Variants in ATP6V0E2 observed in about 807,000 individuals in gnomAD.
ATP6V0E2 encodes V-type proton ATPase subunit e 2.
ATP6V0E2 carries 4 observed loss-of-function variants against 11.5 expected under a neutral mutation model. That is an observed-to-expected ratio of 0.35 (90% CI 0.17 to 0.80). The LOEUF (loss-of-function observed/expected upper bound fraction) is 0.80, where lower values mean the gene tolerates loss of function less well. ATP6V0E2 is among the 30% of genes least tolerant of loss of function. ATP6V0E2 has a pLI of 0.53. For synonymous variants in ATP6V0E2, 52 were observed against 51.0 expected, an observed-to-expected ratio of 1.02 and a Z score of -0.09; for missense variants, 93 against 113.5, an observed-to-expected ratio of 0.82 and a Z score of 0.82.
rs527510293 is a variant in ATP6V0E2 at position 149,876,202 on chromosome 7, TCC to T, written c.152+558_152+559del. 3.4e-3 allele frequency: 1,425 copies of T among 416,008 alleles called. 17 individuals are homozygous for T. Among genetic ancestry groups the T allele is most frequent in the African/African-American group, 0.027 (1,297 of 48,892 alleles). The allele number at this position is 416,008 out of a possible 1,614,324, so 25.8% of individuals were successfully genotyped here. On this transcript the variant is annotated intron_variant, in intron 2 of 3. Transcript: ENST00000425642. Reference sequence around the variant, plus strand: ...ACCAGTCTGGCCAACATAGTGAAACTCCGTCTCTACTAAAAATACAAAAATTA... The same window carrying T: ...ACCAGTCTGGCCAACATAGTGAAACTGTCTCTACTAAAAATACAAAAATTA...
upstream of ATP6V0E2, chr7:149,873,922 C>T (rs867647848): frequency 6.6e-7 from 1 of 1,523,544 alleles, no homozygotes; most frequent in East Asian, 2.4e-5. Context: ...TCAGGAGATG[C>T]GCGTGCGCGG....
rs750156855 is a variant in ATP6V0E2 at position 149,875,661 on chromosome 7, CCCAGCTCAAAGTCAG to C, written c.152+21_152+35del. 6.2e-6 allele frequency: 10 copies of C among 1,612,012 alleles called. No individual in the cohort carries two copies. The highest frequency in any genetic ancestry group is 8.5e-6 in the Non-Finnish European group (10 of 1,178,798). ...GTTACCTCTTGTAAGTACTACTCTC[CCCAGCTCAAAGTCAG>C]CCAGTTCCTTTGTCCTCCCTCCTTT... On this transcript the variant is annotated intron_variant, in intron 2 of 3. Coordinates refer to ENST00000425642, the MANE Select transcript of ATP6V0E2 (RefSeq NM_145230.4).
intron 1 of ATP6V0E2, 103 bp from the exon 2 acceptor site, chr7:149,875,495 A>G (rs1405123343): frequency 2.6e-6 from 3 of 1,175,290 alleles, no homozygotes; most frequent in Admixed American, 1.7e-5. Context: ...AGGAAGGCCA[A>G]TGGAAAAGAG....
rs1310591873 is a variant in ATP6V0E2, at chr7:149,879,563, C to A, written c.*248C>A. The A allele has an allele frequency of 6.5e-6, 10 of 1,540,166 alleles. No individual in the cohort carries two copies. The highest frequency in any genetic ancestry group is 7.9e-6 in the Non-Finnish European group (9 of 1,143,282). ...GCCGAGGGGATGTCCTGCTCCAATA[C>A]CCGCACTGCTCTGGAGTTTGCCCTC... On this transcript the variant is annotated 3_prime_UTR_variant, in exon 4 of 4. Coordinates refer to ENST00000425642, the MANE Select transcript of ATP6V0E2 (RefSeq NM_145230.4).
At chr7:149,876,940 T>C (rs1803180327) in intron 2 of ATP6V0E2, among the ~76,000 whole-genome samples, 1 of 152,242 alleles carries the variant, frequency 6.6e-6, no homozygotes, top group South Asian at 2.1e-4. Flanking sequence ...AAACCCACTT[T>C]CAAAAAATTT....
upstream of ATP6V0E2, chr7:149,873,876 C>T (rs767786472): frequency 5.1e-5 from 76 of 1,478,554 alleles, no homozygotes; most frequent in Non-Finnish European, 4.8e-5. Flanking sequence ...GAGTGGGCTC[C>T]TAGGCAGGTC....
intron 2 of ATP6V0E2, among the ~76,000 whole-genome samples, chr7:149,877,587 T>G (rs1803221363): frequency 8.2e-6 from 1 of 121,880 alleles, no homozygotes; most frequent in Non-Finnish European, 1.8e-5. Flanking sequence ...TTCAAAATTC[T>G]TCCTGGACAG....
chr7:149,877,458 AG>A (rs1563137352), intron 2 of ATP6V0E2, among the ~76,000 whole-genome samples: 2 of 152,216 alleles, frequency 1.3e-5, no homozygotes. Flanking sequence ...CTAGGATTAC[AG>A]GTACACGCCA....
At chr7:149,873,565 G>C (rs921181642), upstream of ATP6V0E2, 8 of 204,178 alleles carry the variant, frequency 3.9e-5, no homozygotes, top group African/African-American at 1.8e-4. Flanking sequence ...CTCTGAAAGC[G>C]AGGCCGTTCC....
Position 149,879,452 on chromosome 7 carries a change from G to T in ATP6V0E2, c.*137G>T. On this transcript the variant is annotated 3_prime_UTR_variant, in exon 4 of 4. Coordinates refer to ENST00000425642, the MANE Select transcript of ATP6V0E2 (RefSeq NM_145230.4). ...CCCTCCTGCTGGCACCCAGAGACCC[G>T]GACCCGCAGGGCCTGCCTGGTTCCT... is the stretch of plus-strand genomic sequence containing the variant. 2 of 1,596,154 alleles carry T rather than the reference G, an allele frequency of 1.3e-6. No individual in the cohort carries two copies. Among genetic ancestry groups the T allele is most frequent in the East Asian group, 2.3e-5 (1 of 43,424 alleles).
At position 149,879,496 on chromosome 7, in the gene ATP6V0E2, C is replaced by G; in HGVS notation, c.*181C>G. 2 of 1,591,446 alleles carry G rather than the reference C, an allele frequency of 1.3e-6. No homozygotes were observed. Among genetic ancestry groups the G allele is most frequent in the Non-Finnish European group, 1.7e-6 (2 of 1,169,162 alleles). Reference sequence around the variant, plus strand: ...GGTTCCTGGAAGTCTTCCCAGTCTTCCCAGCCAGCCCGGGCCCTGGGGAGC... The same window carrying G: ...GGTTCCTGGAAGTCTTCCCAGTCTTGCCAGCCAGCCCGGGCCCTGGGGAGC... On this transcript the variant is annotated 3_prime_UTR_variant, in exon 4 of 4. Coordinates refer to ENST00000425642, the MANE Select transcript of ATP6V0E2 (RefSeq NM_145230.4).
At chr7:149,875,388 G>A (rs745836800) in intron 1 of ATP6V0E2, among the ~76,000 whole-genome samples, 2 of 152,202 alleles carry the variant, frequency 1.3e-5, no homozygotes, top group Non-Finnish European at 2.9e-5. Context: ...ATGTGGTCAA[G>A]GTTGGCCTCT....
intron 2 of ATP6V0E2, among the ~76,000 whole-genome samples, chr7:149,876,382 A>G (rs1196633241): frequency 6.6e-6 from 1 of 151,984 alleles, no homozygotes; most frequent in Non-Finnish European, 1.5e-5. Flanking sequence ...ACTCTAAAAA[A>G]AGAACCACTA....
At chr7:149,873,901 G>T, upstream of ATP6V0E2, 1 of 1,500,766 alleles carries the variant, frequency 6.7e-7, no homozygotes, top group South Asian at 1.3e-5. Context: ...GTGACAGCGC[G>T]GCGGGCTGGA....
upstream of ATP6V0E2, chr7:149,873,797 G>A (rs953982411): frequency 5.8e-6 from 8 of 1,383,132 alleles, no homozygotes; most frequent in South Asian, 3.0e-5. Flanking sequence ...ACCCATCGCC[G>A]AAACCGGGCG....
At chr7:149,875,790 G>C (rs560560615) in intron 2 of ATP6V0E2, 145 bp downstream of exon 2, 7 of 826,746 alleles carry the variant, frequency 8.5e-6, no homozygotes, top group Non-Finnish European at 1.4e-5. Context: ...AGTGGAGGTG[G>C]TGTGGAATGG....
chr7:149,877,559 C>T (rs1803217808), intron 2 of ATP6V0E2, among the ~76,000 whole-genome samples: 1 of 104,224 alleles, frequency 9.6e-6, no homozygotes, highest in South Asian at 2.7e-4. Flanking sequence ...TTAACTTAAA[C>T]CCACTTTTTT....
chr7:149,879,108 G>T (rs1284313879), intron 3 of ATP6V0E2: 3 of 1,396,638 alleles, frequency 2.1e-6, no homozygotes, highest in Non-Finnish European at 2.8e-6. Flanking sequence ...GCCTGTGTTG[G>T]CCGCCAGGGA....
chr7:149,877,265 C>T (rs1803204785), intron 2 of ATP6V0E2, among the ~76,000 whole-genome samples: 1 of 152,182 alleles, frequency 6.6e-6, no homozygotes, highest in African/African-American at 2.4e-5. Flanking sequence ...TCATAGCTCA[C>T]TGCAGCCTCA....
Sources: gnomAD v4.1 joint callset for allele counts (sites outside exome capture counted in the v4.1 genomes callset) on GRCh38, gnomAD v4.1.1 for gene constraint, MANE v1.5 for transcripts, NCBI Gene and HGNC (gene_info 2026-07-23, HGNC 2026-07-21) for gene names.